Variants in KCTD9 observed in about 807,000 individuals in gnomAD.
KCTD9 encodes BTB/POZ domain-containing protein KCTD9.
In KCTD9, 17 loss-of-function variants were observed where a neutral mutation model predicts 53.3. The observed-to-expected ratio is 0.32, with a 90% confidence interval of 0.22 to 0.48. The LOEUF is 0.48. KCTD9 is among the 20% of genes least tolerant of loss of function. The probability of loss-of-function intolerance (pLI) is 0.99; values close to 1 mark genes in which losing one functional copy is unlikely to be tolerated. For synonymous variants in KCTD9, 128 were observed against 162.7 expected, an observed-to-expected ratio of 0.79 and a Z score of 1.62; for missense variants, 179 against 465.5, an observed-to-expected ratio of 0.38 and a Z score of 5.66.
chr8:25,434,938 G>A (rs1317290733), intron 9 of KCTD9, among the ~76,000 whole-genome samples: 1 of 152,128 alleles, frequency 6.6e-6, no homozygotes, highest in Non-Finnish European at 1.5e-5. Flanking sequence ...TCCACAAACT[G>A]ATGCATACCA....
intron 11 of KCTD9, 148 bp downstream of exon 11, chr8:25,432,356 G>C: frequency 1.5e-6 from 1 of 664,366 alleles, no homozygotes; most frequent in Non-Finnish European, 2.6e-6. Context: ...GAAAAGGAGA[G>C]AAATGAAATC....
chr8:25,437,481 C>T (rs563911393), intron 6 of KCTD9, among the ~76,000 whole-genome samples: 12 of 152,022 alleles, frequency 7.9e-5, no homozygotes, highest in Admixed American at 6.6e-4. Context: ...TCGAGACCAG[C>T]CTGGCCAACA....
chr8:25,428,054 T>G lies in KCTD9; in HGVS notation c.*1803A>C, dbSNP rs1362368177. 6.6e-6 allele frequency: 1 copy of G among 152,616 alleles called. No individual in the cohort carries two copies. Among genetic ancestry groups the G allele is most frequent in the Non-Finnish European group, 1.5e-5 (1 of 68,024 alleles). The allele number at this position is 152,616 out of a possible 1,614,324, so 9.5% of individuals were successfully genotyped here. A position where few individuals can be genotyped will look rare whatever the true frequency, so the allele number is the denominator to read the frequency against. On this transcript the variant is annotated 3_prime_UTR_variant, in exon 12 of 12. Transcript: ENST00000221200. ...ACAAACACTTTATATCATTTATTAA[T>G]GCAGTATACATTAGATCTAAAATCT...
chr8:25,447,114 T>A (rs1802227256), intron 1 of KCTD9, among the ~76,000 whole-genome samples: 1 of 151,982 alleles, frequency 6.6e-6, no homozygotes, highest in Non-Finnish European at 1.5e-5. Context: ...TAGGTAAGGG[T>A]CGGGCGCAGT....
intron 4 of KCTD9, 155 bp downstream of exon 4, chr8:25,440,422 T>G: frequency 1.7e-6 from 1 of 594,032 alleles, no homozygotes; most frequent in Non-Finnish European, 3.0e-6. Flanking sequence ...ACCATGTTTT[T>G]TTCTTCAAAA....
intron 1 of KCTD9, among the ~76,000 whole-genome samples, chr8:25,452,759 G>A (rs11135865): frequency 0.18 from 26,662 of 152,202 alleles, 2,665 homozygotes; most frequent in East Asian, 0.25. Flanking sequence ...AATGTCCACT[G>A]ACAGGAATAT....
intron 1 of KCTD9, among the ~76,000 whole-genome samples, chr8:25,454,166 C>A (rs1222004191): frequency 1.3e-5 from 2 of 152,200 alleles, no homozygotes; most frequent in African/African-American, 4.8e-5. Flanking sequence ...GGATTACAGG[C>A]ATGAGCCATT....
rs1212812348 is a variant in KCTD9 at position 25,435,358 on chromosome 8, C to T, written c.813+5G>A. 4 of 1,558,812 alleles carry T rather than the reference C, an allele frequency of 2.6e-6. No homozygotes were observed. Among genetic ancestry groups the T allele is most frequent in the South Asian group, 1.2e-5 (1 of 82,610 alleles). ...TTTTCTCTTGTAGCCTAAAATGATA[C>T]TTACGTCAAGCACTGATCCAGAGAG... is the stretch of plus-strand genomic sequence containing the variant. On this transcript the variant is annotated splice_donor_5th_base_variant and intron_variant, in intron 9 of 11. Transcript: ENST00000221200.
chr8:25,440,931 G>A lies in KCTD9; in HGVS notation c.215-258C>T, dbSNP rs191462475. On this transcript the variant is annotated intron_variant, in intron 3 of 11. Transcript: ENST00000221200. ...AGCAGAGAGAAGCAACAGGGTATAT[G>A]ATGAACCCATGAATGTTAAAGCCAT... Among the ~76,000 whole-genome samples, 409 of 152,326 alleles carry A rather than the reference G, an allele frequency of 2.7e-3. 4 individuals carry two copies. The highest frequency in any genetic ancestry group is 0.014 in the Middle Eastern group (4 of 294).
Position 25,458,261 on chromosome 8 carries a change from T to C in KCTD9, c.-15A>G. The C allele has an allele frequency of 6.3e-7, 1 of 1,598,094 alleles. No individual in the cohort carries two copies. The highest frequency in any genetic ancestry group is 8.5e-7 in the Non-Finnish European group (1 of 1,172,726). On this transcript the variant is annotated 5_prime_UTR_variant, in exon 1 of 12. Coordinates refer to ENST00000221200, the MANE Select transcript of KCTD9 (RefSeq NM_017634.4). The stretch of plus-strand genomic sequence containing the variant: ...ACCCGCCTCATCGCGCTGCCCCCGC[T>C]GGGTCCTGAGTGAGCCGCCACCCTC...
intron 8 of KCTD9, among the ~76,000 whole-genome samples, chr8:25,435,983 A>C (rs1272005898): frequency 1.3e-5 from 2 of 152,246 alleles, no homozygotes; most frequent in African/African-American, 4.8e-5. Context: ...ACTTTTAAAA[A>C]ACTGCTGCAA....
intron 1 of KCTD9, among the ~76,000 whole-genome samples, chr8:25,454,571 A>G (rs1802396069): frequency 6.6e-6 from 1 of 152,216 alleles, no homozygotes; most frequent in Non-Finnish European, 1.5e-5. Flanking sequence ...AGAATAACGA[A>G]AATGTTGAGG....
chr8:25,436,201 A>T (rs529681099), intron 8 of KCTD9, 34 bp downstream of exon 8: 3 of 1,241,394 alleles, frequency 2.4e-6, no homozygotes, highest in Admixed American at 1.7e-5. Flanking sequence ...AGATTTGCTG[A>T]TAGAAATAAT....
chr8:25,435,124 A>T (rs1448456357), intron 9 of KCTD9, among the ~76,000 whole-genome samples: 2 of 152,220 alleles, frequency 1.3e-5, no homozygotes, highest in Non-Finnish European at 2.9e-5. Context: ...TAATTCCAAG[A>T]TTTAATTTCT....
chr8:25,457,371 T>G, intron 1 of KCTD9: 4 of 985,154 alleles, frequency 4.1e-6, no homozygotes, highest in Non-Finnish European at 2.4e-6. Flanking sequence ...CCTCGAACAG[T>G]GAAAATTTCC....
chr8:25,452,689 A>C (rs1802350695), intron 1 of KCTD9, among the ~76,000 whole-genome samples: 1 of 152,274 alleles, frequency 6.6e-6, no homozygotes, highest in Admixed American at 6.5e-5. Context: ...ATACATATAC[A>C]GAAATATTCA....
Position 25,428,578 on chromosome 8 carries a change from A to C in KCTD9, c.*1279T>G, listed in dbSNP as rs1456993344. 1 of 152,478 alleles carries C rather than the reference A, an allele frequency of 6.6e-6. No homozygotes were observed. Among genetic ancestry groups the C allele is most frequent in the Non-Finnish European group, 1.5e-5 (1 of 68,014 alleles). The allele number at this position is 152,478 out of a possible 1,614,324, so 9.4% of individuals were successfully genotyped here. On this transcript the variant is annotated 3_prime_UTR_variant, in exon 12 of 12. Coordinates refer to ENST00000221200, the MANE Select transcript of KCTD9 (RefSeq NM_017634.4). ...GGGTAGAAAATAAGGACACCAAGTC[A>C]TTGGTAGGGAGGTACAGGCCCTTCC...
chr8:25,437,500 A>C (rs1307190214), intron 6 of KCTD9, among the ~76,000 whole-genome samples: 1 of 152,072 alleles, frequency 6.6e-6, no homozygotes, highest in East Asian at 1.9e-4. Flanking sequence ...CACATGGTGA[A>C]ACCCTGTCTC....
At chr8:25,435,316 A>G in intron 9 of KCTD9, 47 bp downstream of exon 9, 2 of 1,416,006 alleles carry the variant, frequency 1.4e-6, no homozygotes. Context: ...AGACTGTTCA[A>G]TAGACTAAAC....
Sources: gnomAD v4.1 joint callset for allele counts (sites outside exome capture counted in the v4.1 genomes callset) on GRCh38, gnomAD v4.1.1 for gene constraint, MANE v1.5 for transcripts, NCBI Gene and HGNC (gene_info 2026-07-23, HGNC 2026-07-21) for gene names.